Variants in MAP2K6 observed in about 807,000 individuals in gnomAD.
The protein encoded by MAP2K6 is dual specificity mitogen-activated protein kinase kinase 6.
In MAP2K6, 16 loss-of-function variants were observed where a neutral mutation model predicts 53.7. The ratio of observed to expected loss-of-function variants is 0.30; its 90% confidence interval spans 0.20 to 0.45. The LOEUF (loss-of-function observed/expected upper bound fraction) is 0.45, where lower values mean the gene tolerates loss of function less well. Ranked by LOEUF, MAP2K6 falls within the 20% of genes least tolerant of loss-of-function variation. The pLI is 1.00. For synonymous variants in MAP2K6, 132 were observed against 143.1 expected (o/e 0.92, Z 0.55); for missense variants, 204 against 411.9 (o/e 0.50, Z 4.37).
At chr17:69,423,774 C>CT (rs1223970939) in intron 1 of MAP2K6, among the ~76,000 whole-genome samples, 1 of 152,116 alleles carries the variant, frequency 6.6e-6, no homozygotes, top group Admixed American at 6.5e-5. Context: ...TATTTCTTTC[C>CT]TTTTTTTCTT....
chr17:69,489,327 G>T (rs909709603), intron 1 of MAP2K6, among the ~76,000 whole-genome samples: 3 of 151,858 alleles, frequency 2.0e-5, no homozygotes, highest in African/African-American at 7.3e-5. Context: ...ACTCTAATAC[G>T]TTTCACCCAC....
rs1469427867 is a variant in MAP2K6 at position 69,535,558 on chromosome 17, C to T, written c.882-557C>T. ...AGTGAGCCGAGATTGTATGCCCCTG[C>T]ACTCCAGCCTGGGCAACAGAGCCAG... is the stretch of plus-strand genomic sequence containing the variant. On this transcript the variant is annotated intron_variant, in intron 10 of 11. Transcript: ENST00000590474. Among the ~76,000 whole-genome samples the T allele has an allele frequency of 2.0e-5, 3 of 152,052 alleles. 1 individual carries two copies. The highest frequency in any genetic ancestry group is 3.9e-4 in the East Asian group (2 of 5,190).
At chr17:69,438,585 CT>C (rs1337768853) in intron 1 of MAP2K6, among the ~76,000 whole-genome samples, 1 of 151,792 alleles carries the variant, frequency 6.6e-6, no homozygotes, top group African/African-American at 2.4e-5. Flanking sequence ...ATTGTTGATA[CT>C]TTTATTTTTT....
At chr17:69,484,977 T>G (rs1168805074) in intron 1 of MAP2K6, among the ~76,000 whole-genome samples, 1 of 152,126 alleles carries the variant, frequency 6.6e-6, no homozygotes, top group Non-Finnish European at 1.5e-5. Flanking sequence ...GTGTTTTTTA[T>G]GTGGGTGATA....
intron 1 of MAP2K6, among the ~76,000 whole-genome samples, chr17:69,442,811 A>G (rs886321720): frequency 6.6e-6 from 1 of 152,228 alleles, no homozygotes; most frequent in Non-Finnish European, 1.5e-5. Flanking sequence ...CAGTAATCTC[A>G]GTTTCCCCAT....
intron 1 of MAP2K6, among the ~76,000 whole-genome samples, chr17:69,415,247 G>T (rs1035283550): frequency 2.0e-5 from 3 of 151,464 alleles, no homozygotes; most frequent in Non-Finnish European, 4.4e-5. Flanking sequence ...AGCTCTTTTT[G>T]CCTTTTGCAC....
intron 1 of MAP2K6, among the ~76,000 whole-genome samples, chr17:69,423,010 AGT>A (rs1906144389): frequency 1.3e-5 from 2 of 152,144 alleles, no homozygotes; most frequent in Admixed American, 1.3e-4. Flanking sequence ...CAGCCTCCCG[AGT>A]AGCTGGGATT....
At chr17:69,480,058 TA>T (rs1908294195) in intron 1 of MAP2K6, among the ~76,000 whole-genome samples, 1 of 152,216 alleles carries the variant, frequency 6.6e-6, no homozygotes, top group Non-Finnish European at 1.5e-5. Flanking sequence ...TTTGGAGAAT[TA>T]ATCTGATATT....
chr17:69,543,254 T>G lies in MAP2K6; in HGVS notation c.*1501T>G, dbSNP rs1364301841. 2.0e-5 allele frequency: 3 copies of G among 152,148 alleles called. No homozygotes were observed. Among genetic ancestry groups the G allele is most frequent in the Non-Finnish European group, 4.4e-5 (3 of 68,020 alleles). 9.4% of individuals were successfully genotyped at this position (152,148 alleles called of 1,614,324 possible). A position where few individuals can be genotyped will look rare whatever the true frequency, so the allele number is the denominator to read the frequency against. On this transcript the variant is annotated 3_prime_UTR_variant, in exon 12 of 12. Coordinates refer to ENST00000590474, the MANE Select transcript of MAP2K6 (RefSeq NM_002758.4). ...ATTTTAAAAAGAAGAAAAAAAAACC[T>G]TATTTTTTCTTTCTTGGCCTCAAGT...
intron 10 of MAP2K6, among the ~76,000 whole-genome samples, chr17:69,528,135 T>C (rs1169484366): frequency 7.9e-6 from 1 of 126,760 alleles, no homozygotes; most frequent in East Asian, 2.4e-4. Context: ...AAGCTGTGAA[T>C]ACAGCATTCA....
chr17:69,532,168 C>G (rs1911118090), intron 10 of MAP2K6, among the ~76,000 whole-genome samples: 1 of 152,098 alleles, frequency 6.6e-6, no homozygotes, highest in African/African-American at 2.4e-5. Context: ...GCATAAAACA[C>G]AGACAGTCAA....
intron 1 of MAP2K6, among the ~76,000 whole-genome samples, chr17:69,485,737 C>T (rs1267160005): frequency 6.6e-6 from 1 of 152,146 alleles, no homozygotes; most frequent in African/African-American, 2.4e-5. Flanking sequence ...CTACCTGTCT[C>T]CTGTGTTCTT....
intron 1 of MAP2K6, among the ~76,000 whole-genome samples, chr17:69,475,172 T>G (rs892618657): frequency 1.4e-5 from 2 of 145,146 alleles, no homozygotes; most frequent in Admixed American, 6.8e-5. Flanking sequence ...GTGTTTTTTT[T>G]TTTTTTTTTT....
chr17:69,545,936 C>G lies in MAP2K6; in HGVS notation c.*4183C>G, dbSNP rs991648320. ...TCAGGAGGCTGAGGCAGGAGAATTG[C>G]TTGAACCCGGGAGGCGGAGGTTGCA... On this transcript the variant is annotated 3_prime_UTR_variant, in exon 12 of 12. Coordinates refer to ENST00000590474, the MANE Select transcript of MAP2K6 (RefSeq NM_002758.4). 2 of 151,408 alleles carry G rather than the reference C, an allele frequency of 1.3e-5. No homozygotes were observed. The highest frequency in any genetic ancestry group is 4.9e-5 in the African/African-American group (2 of 41,086). 9.4% of individuals were successfully genotyped at this position (151,408 alleles called of 1,614,324 possible).
At chr17:69,492,536 G>A (rs930537904) in intron 1 of MAP2K6, among the ~76,000 whole-genome samples, 4 of 152,114 alleles carry the variant, frequency 2.6e-5, no homozygotes. Context: ...GACATCTGGA[G>A]GCCAGAAGTC....
rs1288597846 is a variant in MAP2K6 at position 69,547,368 on chromosome 17, A to C, written c.*5615A>C. On this transcript the variant is annotated 3_prime_UTR_variant, in exon 12 of 12. Coordinates refer to ENST00000590474, the MANE Select transcript of MAP2K6 (RefSeq NM_002758.4). ...TATACCATCTCTGTCACAGTTACTC[A>C]GCTCTGCTGTTGTATCATGAAAGCA... 1 of 152,238 alleles carries C rather than the reference A, an allele frequency of 6.6e-6. No homozygotes were observed. Among genetic ancestry groups the C allele is most frequent in the Non-Finnish European group, 1.5e-5 (1 of 68,042 alleles). The allele number at this position is 152,238 out of a possible 1,614,324, so 9.4% of individuals were successfully genotyped here. A position where few individuals can be genotyped will look rare whatever the true frequency, so the allele number is the denominator to read the frequency against.
intron 1 of MAP2K6, among the ~76,000 whole-genome samples, chr17:69,423,134 C>T (rs999987199): frequency 4.6e-5 from 7 of 152,152 alleles, no homozygotes; most frequent in Admixed American, 1.3e-4. Flanking sequence ...CCGTCCTCCT[C>T]GGCCTCCCAA....
At chr17:69,541,132 A>G (rs1322954727) in intron 11 of MAP2K6, among the ~76,000 whole-genome samples, 1 of 152,132 alleles carries the variant, frequency 6.6e-6, no homozygotes, top group Non-Finnish European at 1.5e-5. Context: ...GCATGGTGGC[A>G]TGCACCTGTA....
At chr17:69,510,788 C>A (rs1909769410) in intron 2 of MAP2K6, among the ~76,000 whole-genome samples, 1 of 150,830 alleles carries the variant, frequency 6.6e-6, no homozygotes, top group South Asian at 2.1e-4. Context: ...GCTGCACAAT[C>A]TGTTGTGACA....
Sources: gnomAD v4.1 joint callset for allele counts (sites outside exome capture counted in the v4.1 genomes callset) on GRCh38, gnomAD v4.1.1 for gene constraint, MANE v1.5 for transcripts, NCBI Gene and HGNC (gene_info 2026-07-23, HGNC 2026-07-21) for gene names.